The following ANKS6 variants were observed in gnomAD, a reference collection of about 807,000 sequenced individuals.
ANKS6 encodes the protein ankyrin repeat and SAM domain-containing protein 6.
In ANKS6, 47 loss-of-function variants were observed where a neutral mutation model predicts 77.9. The observed-to-expected ratio is 0.60, with a 90% CI of 0.48 to 0.77. The LOEUF (loss-of-function observed/expected upper bound fraction) is 0.77, where lower values mean the gene tolerates loss of function less well. ANKS6 is among the 30% of genes least tolerant of loss of function. The pLI is 0.00. For missense variants in ANKS6, 1,150 were observed against 1,159.1 expected (o/e 0.99, Z 0.11); for synonymous variants, 488 against 501.7 (o/e 0.97, Z 0.37).
intron 5 of ANKS6, 148 bp from the exon 6 acceptor site, chr9:98,780,485 T>C (rs1834181507): frequency 2.0e-6 from 2 of 984,082 alleles, no homozygotes; most frequent in Non-Finnish European, 2.9e-6. Context: ...TGCCTCTCCA[T>C]CTGATCTTCA....
chr9:98,784,017 C>T lies in ANKS6; in HGVS notation c.1048G>A (p.Ala350Thr), dbSNP rs370396130. ...ALVQLLVERH[A>T]DVDKQDSVHG... Reference sequence around the variant, plus strand: ...ACGCTGTCCTGCTTGTCAACATCCGCGTGCCTCTCCACCAGCAGCTGCACC... The same window carrying T: ...ACGCTGTCCTGCTTGTCAACATCCGTGTGCCTCTCCACCAGCAGCTGCACC... Residue 350 changes from alanine to threonine, a missense_variant, in exon 4 of 15, where the codon GCG becomes ACG. Coordinates refer to ENST00000353234, the MANE Select transcript of ANKS6 (RefSeq NM_173551.5). 1.9e-5 allele frequency: 31 copies of T among 1,611,004 alleles called. No homozygotes were observed. In the African/African-American group the frequency reaches 2.1e-4, roughly 11 times the overall value.
rs1831338220 is a variant in ANKS6 at position 98,733,842 on chromosome 9, T to C, written c.*2677A>G. ...CACATACACACCCTACGTTTCTTTA[T>C]GAAAAACCTATTATCCTGTGGAACT... On this transcript the variant is annotated 3_prime_UTR_variant, in exon 15 of 15. Coordinates refer to ENST00000353234, the MANE Select transcript of ANKS6 (RefSeq NM_173551.5). 1.0e-6 allele frequency: 1 copy of C among 985,390 alleles called. No individual in the cohort carries two copies. The highest frequency in any genetic ancestry group is 1.2e-6 in the Non-Finnish European group (1 of 829,930). The allele number at this position is 985,390 out of a possible 1,614,324, so 61.0% of individuals were successfully genotyped here.
At chr9:98,759,349 T>C (rs1266279830) in intron 11 of ANKS6, among the ~76,000 whole-genome samples, 1 of 152,222 alleles carries the variant, frequency 6.6e-6, no homozygotes, top group Non-Finnish European at 1.5e-5. Context: ...GGTATGGAGC[T>C]TTCTTCCCCT....
At chr9:98,772,594 G>GC (rs1833701460) in intron 9 of ANKS6, among the ~76,000 whole-genome samples, 2 of 152,208 alleles carry the variant, frequency 1.3e-5, no homozygotes, top group African/African-American at 4.8e-5. Flanking sequence ...CAGGGCCCTG[G>GC]CCCCCCACTG....
Position 98,732,719 on chromosome 9 carries a change from G to A in ANKS6, c.*3800C>T. On this transcript the variant is annotated 3_prime_UTR_variant, in exon 15 of 15. Transcript: ENST00000353234. ...GGCTACTATCCCCCTGTAACCAAAA[G>A]GGAAACTGGGACTCAAAGGGAAGAA... 6.9e-7 allele frequency: 1 copy of A among 1,439,510 alleles called. No homozygotes were observed. The allele number at this position is 1,439,510 out of a possible 1,614,324, so 89.2% of individuals were successfully genotyped here. A position where few individuals can be genotyped will look rare whatever the true frequency, so the allele number is the denominator to read the frequency against.
Position 98,735,243 on chromosome 9 carries a change from C to T in ANKS6, c.*1276G>A. 1.0e-6 allele frequency: 1 copy of T among 987,374 alleles called. No individual in the cohort carries two copies. The highest frequency in any genetic ancestry group is 1.2e-6 in the Non-Finnish European group (1 of 831,368). 61.2% of individuals were successfully genotyped at this position (987,374 alleles called of 1,614,324 possible). A position where few individuals can be genotyped will look rare whatever the true frequency, so the allele number is the denominator to read the frequency against. On this transcript the variant is annotated 3_prime_UTR_variant, in exon 15 of 15. Coordinates refer to ENST00000353234, the MANE Select transcript of ANKS6 (RefSeq NM_173551.5). ...ACCTGAGTCCAGAGCACAAGGTCTG[C>T]CCACTCTACCATGCTGCCTCTCAAT...
chr9:98,769,883 T>G (rs1271005871), intron 10 of ANKS6, among the ~76,000 whole-genome samples: 1 of 152,256 alleles, frequency 6.6e-6, no homozygotes, highest in Non-Finnish European at 1.5e-5. Flanking sequence ...TGCCTTTTTA[T>G]AAATATTCAT....
In ANKS6 at chr9:98,790,315, G is replaced by A; in HGVS notation, c.651C>T (p.Pro217=). ...VRLLMEWGAD[P]NHAARTVGWS... ...AGCCCACGGTCCGGGCTGCGTGGTT[G>A]GGGTCCGCGCCCCACTCCATCAGTA... is the stretch of plus-strand genomic sequence containing the variant. The change falls in exon 2 of 15, where the codon CCC becomes CCT. Residue 217 remains proline, a synonymous_variant. Coordinates refer to ENST00000353234, the MANE Select transcript of ANKS6 (RefSeq NM_173551.5). The A allele has an allele frequency of 1.2e-6, 2 of 1,607,932 alleles. No individual in the cohort carries two copies. The highest frequency in any genetic ancestry group is 1.3e-5 in the African/African-American group (1 of 74,990).
chr9:98,754,141 C>G (rs1832574281), intron 12 of ANKS6, among the ~76,000 whole-genome samples: 1 of 152,116 alleles, frequency 6.6e-6, no homozygotes, highest in Non-Finnish European at 1.5e-5. Context: ...GTGAGTTCCC[C>G]TGGGTGCATA....
chr9:98,784,902 T>C (rs776779326), intron 2 of ANKS6, 26 bp from the exon 3 acceptor site: 1 of 1,607,894 alleles, frequency 6.2e-7, no homozygotes, highest in Non-Finnish European at 8.5e-7. Context: ...TTTTTAAAGT[T>C]AACCACGGAA....
intron 8 of ANKS6, among the ~76,000 whole-genome samples, chr9:98,775,215 A>G (rs1370029157): frequency 1.3e-5 from 2 of 152,258 alleles, no homozygotes; most frequent in Admixed American, 6.5e-5. Context: ...AATTGTTGCT[A>G]TCTTTCTGGA....
chr9:98,784,186 A>C, intron 3 of ANKS6, 29 bp from the exon 4 acceptor site: 2 of 1,500,840 alleles, frequency 1.3e-6, no homozygotes, highest in Non-Finnish European at 1.8e-6. Flanking sequence ...GTCCGGGTGA[A>C]CTGTGGGCCT....
chr9:98,754,629 A>G (rs1832601731), intron 12 of ANKS6, among the ~76,000 whole-genome samples: 1 of 151,666 alleles, frequency 6.6e-6, no homozygotes, highest in Non-Finnish European at 1.5e-5. Context: ...GTGACAGAGC[A>G]AGCCTCCGTC....
At position 98,796,299 on chromosome 9, in the gene ANKS6, C is replaced by A. The variant is rs745881769; in HGVS notation, c.193G>T (p.Val65Phe). 2.9e-3 allele frequency: 3,610 copies of A among 1,264,420 alleles called. 10 individuals are homozygous for A. The highest frequency in any genetic ancestry group is 3.2e-3 in the Non-Finnish European group (3,178 of 1,004,342). 78.3% of individuals were successfully genotyped at this position (1,264,420 alleles called of 1,614,324 possible). ...AGPGAAAAGAVGAPVPVDCSD... is the reference protein window; with the variant it reads ...AGPGAAAAGAFGAPVPVDCSD... The stretch of plus-strand genomic sequence containing the variant: ...CAATCCACGGGCACCGGAGCCCCGA[C>A]TGCCCCCGCCGCTGCGGCCCCGGGC... Residue 65 changes from valine to phenylalanine, a missense_variant, in exon 1 of 15, where the codon GTC becomes TTC. Coordinates refer to ENST00000353234, the MANE Select transcript of ANKS6 (RefSeq NM_173551.5).
At chr9:98,754,228 G>A (rs1436936182) in intron 12 of ANKS6, among the ~76,000 whole-genome samples, 3 of 152,208 alleles carry the variant, frequency 2.0e-5, no homozygotes, top group Non-Finnish European at 4.4e-5. Context: ...GCTGTCACCA[G>A]CCTTGCTGCT....
At position 98,736,177 on chromosome 9, in the gene ANKS6, C is replaced by G; in HGVS notation, c.*342G>C. The G allele has an allele frequency of 8.5e-7, 1 of 1,171,138 alleles. No individual in the cohort carries two copies. Among genetic ancestry groups the G allele is most frequent in the Non-Finnish European group, 1.1e-6 (1 of 947,596 alleles). 72.5% of individuals were successfully genotyped at this position (1,171,138 alleles called of 1,614,324 possible). On this transcript the variant is annotated 3_prime_UTR_variant, in exon 15 of 15. Coordinates refer to ENST00000353234, the MANE Select transcript of ANKS6 (RefSeq NM_173551.5). ...TAAGAAGCAGCCGTGCCTTCTCCATCGTCCCTTTCCCTTGCCGCCAGCCAG... is the reference window on the plus strand; with the variant it reads ...TAAGAAGCAGCCGTGCCTTCTCCATGGTCCCTTTCCCTTGCCGCCAGCCAG...
At chr9:98,782,446 C>T (rs142837442) in intron 5 of ANKS6, 21 bp downstream of exon 5, 3 of 1,605,214 alleles carry the variant, frequency 1.9e-6, no homozygotes, top group Non-Finnish European at 2.6e-6. Flanking sequence ...GATTTACAAC[C>T]CTTTTCTTGA....
At chr9:98,786,540 T>C (rs978684765) in intron 2 of ANKS6, among the ~76,000 whole-genome samples, 1 of 152,020 alleles carries the variant, frequency 6.6e-6, no homozygotes, top group Non-Finnish European at 1.5e-5. Context: ...TTCACCCACC[T>C]CCGCCTCCCA....
At position 98,780,040 on chromosome 9, in the gene ANKS6, T is replaced by C. The variant is rs1361264221; in HGVS notation, c.1368+149A>G. The C allele has an allele frequency of 1.5e-5, 17 of 1,105,376 alleles. 1 individual carries two copies. In the East Asian group the frequency reaches 3.1e-4, roughly 20 times the overall value. The allele number at this position is 1,105,376 out of a possible 1,614,324, so 68.5% of individuals were successfully genotyped here. A position where few individuals can be genotyped will look rare whatever the true frequency, so the allele number is the denominator to read the frequency against. ...TCTCCCCAGTTTTTCCTGGTCCCCTTTGTTTCCTATTGCTCAATGCCAGCT... is the reference window on the plus strand; with the variant it reads ...TCTCCCCAGTTTTTCCTGGTCCCCTCTGTTTCCTATTGCTCAATGCCAGCT... On this transcript the variant is annotated intron_variant, in intron 6 of 14. Transcript: ENST00000353234.
Sources: gnomAD v4.1 joint callset for allele counts (sites outside exome capture counted in the v4.1 genomes callset) on GRCh38, gnomAD v4.1.1 for gene constraint, MANE v1.5 for transcripts, NCBI Gene and HGNC (gene_info 2026-07-23, HGNC 2026-07-21) for gene names.